Variants in IGFBP7 observed in about 807,000 individuals in gnomAD.
The protein encoded by IGFBP7 is insulin-like growth factor-binding protein 7.
IGFBP7 carries 31 observed loss-of-function variants against 29.4 expected under a neutral mutation model. That is an observed-to-expected ratio of 1.05 (90% confidence interval 0.79 to 1.42). The LOEUF (loss-of-function observed/expected upper bound fraction) is 1.42. Ranked by LOEUF, IGFBP7 falls within the 40% of genes most tolerant of loss-of-function variation. IGFBP7 has a pLI of 0.00. For synonymous variants in IGFBP7, 172 were observed against 174.9 expected (o/e 0.98, Z 0.13); for missense variants, 393 against 395.5 (o/e 0.99, Z 0.05).
chr4:57,095,643 A>G (rs7663799), intron 1 of IGFBP7, among the ~76,000 whole-genome samples: 141,948 of 152,244 alleles, frequency 0.93, 66,229 homozygotes, highest in Middle Eastern at 0.98. Flanking sequence ...CCCCATACCC[A>G]TTGCCTGGGA....
intron 1 of IGFBP7, among the ~76,000 whole-genome samples, chr4:57,094,919 A>G (rs1478579593): frequency 6.6e-6 from 1 of 152,234 alleles, no homozygotes; most frequent in East Asian, 1.9e-4. Flanking sequence ...CGGGGTCCCC[A>G]CTGAGGTGGA....
chr4:57,052,093 A>G (rs1308820269), intron 1 of IGFBP7, among the ~76,000 whole-genome samples: 1 of 152,170 alleles, frequency 6.6e-6, no homozygotes, highest in Non-Finnish European at 1.5e-5. Context: ...GGCATTTCCC[A>G]AGATGATTTT....
chr4:57,064,375 G>C (rs1354777962), intron 1 of IGFBP7, among the ~76,000 whole-genome samples: 1 of 152,128 alleles, frequency 6.6e-6, no homozygotes, highest in African/African-American at 2.4e-5. Flanking sequence ...TAAAACTGCA[G>C]AAGTGCAAGT....
At chr4:57,102,638 C>A (rs900898250) in intron 1 of IGFBP7, among the ~76,000 whole-genome samples, 1 of 152,150 alleles carries the variant, frequency 6.6e-6, no homozygotes, top group Non-Finnish European at 1.5e-5. Context: ...AATTCCCAAA[C>A]GATGAAGAAA....
At chr4:57,054,752 C>A (rs1032202519) in intron 1 of IGFBP7, among the ~76,000 whole-genome samples, 5 of 151,878 alleles carry the variant, frequency 3.3e-5, no homozygotes, top group Non-Finnish European at 5.9e-5. Context: ...ACTTGCTAAA[C>A]CTCCTCCTGA....
intron 1 of IGFBP7, among the ~76,000 whole-genome samples, chr4:57,049,276 T>C (rs1724443021): frequency 6.6e-6 from 1 of 152,284 alleles, no homozygotes; most frequent in African/African-American, 2.4e-5. Context: ...GCCTGGGAAA[T>C]GGTCAAAAGT....
rs1723908679 is a variant in IGFBP7 at position 57,031,135 on chromosome 4, T to C, written c.*182A>G. On this transcript the variant is annotated 3_prime_UTR_variant, in exon 5 of 5. Coordinates refer to ENST00000295666, the MANE Select transcript of IGFBP7 (RefSeq NM_001553.3). ...TATGCATGCTTTTCTTCTGTAAATA[T>C]ATAATAAATTTTTGTAGATAGTCTT... 4.2e-6 allele frequency: 3 copies of C among 710,742 alleles called. No individual in the cohort carries two copies. The highest frequency in any genetic ancestry group is 4.8e-6 in the Non-Finnish European group (2 of 412,884). The allele number at this position is 710,742 out of a possible 1,614,324, so 44.0% of individuals were successfully genotyped here. A position where few individuals can be genotyped will look rare whatever the true frequency, so the allele number is the denominator to read the frequency against.
At chr4:57,094,084 CTCT>C (rs751638912) in intron 1 of IGFBP7, among the ~76,000 whole-genome samples, 3 of 152,106 alleles carry the variant, frequency 2.0e-5, no homozygotes, top group Non-Finnish European at 4.4e-5. Context: ...GTCTAACTCC[CTCT>C]TCTTTCTTCC....
chr4:57,097,310 A>G (rs1157966640), intron 1 of IGFBP7, among the ~76,000 whole-genome samples: 1 of 152,242 alleles, frequency 6.6e-6, no homozygotes, highest in South Asian at 2.1e-4. Context: ...GGTGGTTCCC[A>G]TTAGACTGTC....
chr4:57,042,425 C>T (rs1034152032), intron 1 of IGFBP7, among the ~76,000 whole-genome samples: 3 of 152,298 alleles, frequency 2.0e-5, no homozygotes, highest in East Asian at 1.9e-4. Context: ...TCTTGGCTCA[C>T]GGCAACCTCC....
chr4:57,067,537 G>C (rs1449270618), intron 1 of IGFBP7, among the ~76,000 whole-genome samples: 3 of 152,160 alleles, frequency 2.0e-5, no homozygotes, highest in African/African-American at 7.2e-5. Flanking sequence ...GGTGCCGGGG[G>C]CTAGGGTAAG....
intron 1 of IGFBP7, among the ~76,000 whole-genome samples, chr4:57,054,482 A>G (rs1724593029): frequency 6.6e-6 from 1 of 151,846 alleles, no homozygotes; most frequent in Admixed American, 6.6e-5. Context: ...AAAATACAAA[A>G]AATTAGTCAG....
chr4:57,099,272 T>G (rs1725836124), intron 1 of IGFBP7, among the ~76,000 whole-genome samples: 2 of 152,162 alleles, frequency 1.3e-5, no homozygotes, highest in Admixed American at 6.5e-5. Context: ...AAAGCCCTCT[T>G]TTTTCTTCTC....
At chr4:57,077,128 C>A (rs373030499) in intron 1 of IGFBP7, among the ~76,000 whole-genome samples, 3 of 151,694 alleles carry the variant, frequency 2.0e-5, no homozygotes, top group Non-Finnish European at 4.4e-5. Flanking sequence ...AACAGAAAAA[C>A]AAAAAACAAA....
chr4:57,032,194 C>A (rs1453458867), intron 4 of IGFBP7: 3 of 1,115,020 alleles, frequency 2.7e-6, no homozygotes, highest in Admixed American at 3.6e-5. Flanking sequence ...TTGACTCTTA[C>A]ATGTTAGATA....
At chr4:57,056,864 G>A (rs993557710) in intron 1 of IGFBP7, among the ~76,000 whole-genome samples, 12 of 152,160 alleles carry the variant, frequency 7.9e-5, no homozygotes, top group African/African-American at 2.9e-4. Context: ...TTGGCACTTT[G>A]GCTAATTTTA....
intron 1 of IGFBP7, among the ~76,000 whole-genome samples, chr4:57,051,610 C>A (rs906094894): frequency 6.6e-6 from 1 of 152,118 alleles, no homozygotes; most frequent in Admixed American, 6.6e-5. Flanking sequence ...GGAGGCTTAG[C>A]GCATTAAGAG....
intron 1 of IGFBP7, among the ~76,000 whole-genome samples, chr4:57,070,144 C>A (rs570176612): frequency 6.6e-6 from 1 of 152,262 alleles, no homozygotes; most frequent in African/African-American, 2.4e-5. Context: ...TCAGCACCAG[C>A]CCTCTGTAGG....
chr4:57,091,883 T>C (rs1725649593), intron 1 of IGFBP7, among the ~76,000 whole-genome samples: 1 of 152,144 alleles, frequency 6.6e-6, no homozygotes, highest in Non-Finnish European at 1.5e-5. Flanking sequence ...CTTTTCTAGT[T>C]TTAATAAGTG....
Sources: allele counts gnomAD v4.1 joint callset (sites outside exome capture counted in the v4.1 genomes callset), GRCh38; gene constraint gnomAD v4.1.1; transcripts MANE v1.5; gene names NCBI Gene and HGNC (gene_info 2026-07-23, HGNC 2026-07-21).